TSPAN18: variants seen among roughly 807,000 people sequenced by gnomAD.
TSPAN18 encodes the protein tetraspanin-18.
Under a neutral mutation model 27.3 loss-of-function variants are expected in TSPAN18, and 14 were observed. The ratio of observed to expected loss-of-function variants is 0.51; its 90% CI spans 0.34 to 0.80. TSPAN18 has a LOEUF of 0.80. Ranked by LOEUF, TSPAN18 falls within the 30% of genes least tolerant of loss-of-function variation. The pLI is 0.01. For missense variants in TSPAN18, 268 were observed against 323.9 expected (o/e 0.83, Z 1.32); for synonymous variants, 143 against 136.5 (o/e 1.05, Z -0.33).
chr11:44,924,415 A>G (rs1860268844), intron 8 of TSPAN18, among the ~76,000 whole-genome samples: 1 of 152,192 alleles, frequency 6.6e-6, no homozygotes, highest in African/African-American at 2.4e-5. Flanking sequence ...ACAGCAAGCC[A>G]GTGGCAGCGC....
At chr11:44,773,328 AT>A (rs1855732256) in intron 2 of TSPAN18, among the ~76,000 whole-genome samples, 1 of 151,876 alleles carries the variant, frequency 6.6e-6, no homozygotes, top group Non-Finnish European at 1.5e-5. Flanking sequence ...AGACAGGAGA[AT>A]TGCTTGAACC....
In TSPAN18 at chr11:44,789,389, A is replaced by C. The variant is rs1856137239; in HGVS notation, c.-153+24877A>C. 2.0e-5 allele frequency among the ~76,000 whole-genome samples: 3 copies of C among 152,228 alleles called. No homozygotes were observed. In the South Asian group the frequency reaches 6.2e-4, roughly 32 times the overall value. ...GGCTCTATTGGCTTTTCCTTCTGCCAAGAAAAAAGCTCTTCAATTTGTCAG... is the reference window on the plus strand; with the variant it reads ...GGCTCTATTGGCTTTTCCTTCTGCCCAGAAAAAAGCTCTTCAATTTGTCAG... On this transcript the variant is annotated intron_variant, in intron 2 of 9. Coordinates refer to ENST00000520358, the MANE Select transcript of TSPAN18 (RefSeq NM_130783.5).
chr11:44,839,389 T>G (rs936147297), intron 2 of TSPAN18, among the ~76,000 whole-genome samples: 4 of 152,172 alleles, frequency 2.6e-5, no homozygotes, highest in Admixed American at 1.3e-4. Flanking sequence ...AGCATGTGTC[T>G]GTCTGTTTTT....
At chr11:44,826,197 C>T (rs538609138) in intron 2 of TSPAN18, among the ~76,000 whole-genome samples, 9 of 152,180 alleles carry the variant, frequency 5.9e-5, no homozygotes, top group Non-Finnish European at 1.0e-4. Context: ...CTGAGGTGGG[C>T]GGATCACCTG....
intron 3 of TSPAN18, among the ~76,000 whole-genome samples, chr11:44,904,481 T>C (rs991088352): frequency 6.6e-6 from 1 of 152,194 alleles, no homozygotes; most frequent in Non-Finnish European, 1.5e-5. Flanking sequence ...TGGACAGACA[T>C]CTGGCACCTT....
chr11:44,781,181 G>C (rs1855930952), intron 2 of TSPAN18, among the ~76,000 whole-genome samples: 1 of 152,172 alleles, frequency 6.6e-6, no homozygotes, highest in Admixed American at 6.5e-5. Flanking sequence ...AGTAGAGATA[G>C]GAAGACTGTT....
chr11:44,788,306 C>G (rs1359596055), intron 2 of TSPAN18, among the ~76,000 whole-genome samples: 2 of 152,102 alleles, frequency 1.3e-5, no homozygotes, highest in African/African-American at 4.8e-5. Flanking sequence ...GTGCGCTGTC[C>G]AATACGAGAG....
intron 2 of TSPAN18, among the ~76,000 whole-genome samples, chr11:44,769,018 C>T (rs1254480372): frequency 6.6e-6 from 1 of 151,768 alleles, no homozygotes; most frequent in Non-Finnish European, 1.5e-5. Context: ...CCTCAGCCTC[C>T]CGAATAGCTG....
chr11:44,894,107 C>T (rs151276088), intron 3 of TSPAN18, among the ~76,000 whole-genome samples: 385 of 152,318 alleles, frequency 2.5e-3, no homozygotes, highest in Non-Finnish European at 3.2e-3. Flanking sequence ...AAGGAGGGAA[C>T]GGGGTGTGCA....
intron 2 of TSPAN18, among the ~76,000 whole-genome samples, chr11:44,798,588 C>T (rs988766440): frequency 6.6e-6 from 1 of 152,202 alleles, no homozygotes; most frequent in African/African-American, 2.4e-5. Context: ...GTTTGCATTG[C>T]TAGCTTCAGT....
chr11:44,770,695 G>T (rs1257649749), intron 2 of TSPAN18, among the ~76,000 whole-genome samples: 1 of 152,158 alleles, frequency 6.6e-6, no homozygotes, highest in African/African-American at 2.4e-5. Flanking sequence ...AGTCTGCAGC[G>T]GGCAGGGAGA....
chr11:44,854,828 T>G (rs1169542464), intron 2 of TSPAN18, among the ~76,000 whole-genome samples: 1 of 152,192 alleles, frequency 6.6e-6, no homozygotes, highest in Non-Finnish European at 1.5e-5. Context: ...AAAACTGAGC[T>G]TGGAGGCCTC....
At chr11:44,897,933 T>C (rs1371495355) in intron 3 of TSPAN18, 3 of 1,164,412 alleles carry the variant, frequency 2.6e-6, no homozygotes, top group South Asian at 1.3e-5. Context: ...TGTTTGCCTC[T>C]GTGTCTCCTT....
chr11:44,890,827 A>G (rs1167509590), intron 3 of TSPAN18, among the ~76,000 whole-genome samples: 1 of 150,048 alleles, frequency 6.7e-6, no homozygotes, highest in African/African-American at 2.4e-5. Context: ...TGAGTTTTGC[A>G]TGTTTATTTA....
chr11:44,803,522 C>T (rs1856527865), intron 2 of TSPAN18, among the ~76,000 whole-genome samples: 1 of 152,146 alleles, frequency 6.6e-6, no homozygotes, highest in East Asian at 1.9e-4. Context: ...TGGACCAGGC[C>T]AGTGGTCTGG....
At chr11:44,802,035 C>A (rs1217413958) in intron 2 of TSPAN18, among the ~76,000 whole-genome samples, 1 of 152,058 alleles carries the variant, frequency 6.6e-6, no homozygotes, top group Non-Finnish European at 1.5e-5. Context: ...TTGTCTCGAA[C>A]ATAAAAAGAT....
chr11:44,757,375 ATTAT>A lies in TSPAN18; in HGVS notation c.-239-7028_-239-7025del, dbSNP rs35948051. On this transcript the variant is annotated intron_variant, in intron 1 of 9. Coordinates refer to ENST00000520358, the MANE Select transcript of TSPAN18 (RefSeq NM_130783.5). ...ATCTTAGCCAGAAAGCTGAGAAATGATTATTTATTTATTTATTTATTTATTTGAG... is the reference window on the plus strand; with the variant it reads ...ATCTTAGCCAGAAAGCTGAGAAATGATTATTTATTTATTTATTTATTTGAG... Among the ~76,000 whole-genome samples, 568 of 151,334 alleles carry A rather than the reference ATTAT, an allele frequency of 3.8e-3. 4 individuals are homozygous for A. The highest frequency in any genetic ancestry group is 0.013 in the African/African-American group (520 of 41,238).
At chr11:44,897,784 G>C (rs60703187) in intron 3 of TSPAN18, 17 of 1,289,198 alleles carry the variant, frequency 1.3e-5, no homozygotes, top group Non-Finnish European at 1.6e-5. Context: ...CACAAGCCTC[G>C]CTGACGGGAG....
At chr11:44,729,128 A>G (rs781759622) in intron 1 of TSPAN18, among the ~76,000 whole-genome samples, 1 of 152,242 alleles carries the variant, frequency 6.6e-6, no homozygotes, top group African/African-American at 2.4e-5. Flanking sequence ...CAAAGTTGCC[A>G]TAAAGACAGA....
Sources: allele counts gnomAD v4.1 joint callset (sites outside exome capture counted in the v4.1 genomes callset), GRCh38; gene constraint gnomAD v4.1.1; transcripts MANE v1.5; gene names NCBI Gene and HGNC (gene_info 2026-07-23, HGNC 2026-07-21).